LDB2: variants seen among roughly 807,000 people sequenced by gnomAD.
LDB2 encodes the protein LIM domain binding 2.
Under a neutral mutation model 44.3 loss-of-function variants are expected in LDB2, and 12 were observed. That is an observed-to-expected ratio of 0.27 (90% CI 0.17 to 0.44). LDB2 has a LOEUF of 0.44. LDB2 is among the 20% of genes least tolerant of loss of function. The pLI is 1.00. For missense variants in LDB2, 344 were observed against 473.5 expected (o/e 0.73, Z 2.54); for synonymous variants, 164 against 174.8 (o/e 0.94, Z 0.49).
chr4:16,781,580 C>A (rs1773244855), intron 1 of LDB2, among the ~76,000 whole-genome samples: 1 of 152,096 alleles, frequency 6.6e-6, no homozygotes, highest in Non-Finnish European at 1.5e-5. Flanking sequence ...TACTCTGATG[C>A]ACCCAAATGC....
intron 3 of LDB2, 99 bp downstream of exon 3, chr4:16,595,604 G>A (rs1473774252): frequency 1.2e-5 from 13 of 1,064,582 alleles, no homozygotes; most frequent in Non-Finnish European, 1.8e-5. Context: ...TCTGGGAGAT[G>A]AGCAATCGGC....
In LDB2 at chr4:16,596,985, C is replaced by G. The variant is rs1566067; in HGVS notation, c.236-1110G>C. Among the ~76,000 whole-genome samples the G allele has an allele frequency of 4.1e-3, 625 of 152,128 alleles. 3 individuals carry two copies. The highest frequency in any genetic ancestry group is 7.9e-3 in the South Asian group (38 of 4,810). ...ATCTCTTACATTCACTATATAATAC[C>G]CTTTGAAAGACAAAAATAATATTTA... is the stretch of plus-strand genomic sequence containing the variant. On this transcript the variant is annotated intron_variant, in intron 2 of 7. Transcript: ENST00000304523.
chr4:16,580,217 T>C (rs1242479123), intron 5 of LDB2, among the ~76,000 whole-genome samples: 1 of 152,028 alleles, frequency 6.6e-6, no homozygotes, highest in African/African-American at 2.4e-5. Flanking sequence ...GGAAGGGGCA[T>C]GGAATGAGGC....
intron 2 of LDB2, among the ~76,000 whole-genome samples, chr4:16,718,910 C>T (rs745758624): frequency 1.2e-4 from 18 of 152,094 alleles, no homozygotes; most frequent in Non-Finnish European, 2.6e-4. Context: ...ACTACTTGTA[C>T]TATTTTCCCC....
intron 1 of LDB2, among the ~76,000 whole-genome samples, chr4:16,828,274 A>G (rs1783421919): frequency 6.6e-6 from 1 of 152,200 alleles, no homozygotes; most frequent in Non-Finnish European, 1.5e-5. Context: ...AGATTCATGT[A>G]TCAATACATT....
At chr4:16,572,268 G>A (rs1032359837) in intron 5 of LDB2, among the ~76,000 whole-genome samples, 3 of 152,112 alleles carry the variant, frequency 2.0e-5, no homozygotes, top group African/African-American at 7.2e-5. Flanking sequence ...CAATTGGGAA[G>A]ACTGTTTCCT....
intron 2 of LDB2, among the ~76,000 whole-genome samples, chr4:16,689,347 C>A (rs529940775): frequency 6.6e-6 from 1 of 152,158 alleles, no homozygotes; most frequent in Non-Finnish European, 1.5e-5. Flanking sequence ...AAATTCCTAC[C>A]GATTCCTTAA....
At chr4:16,752,052 A>C (rs529129527) in intron 2 of LDB2, among the ~76,000 whole-genome samples, 1 of 152,338 alleles carries the variant, frequency 6.6e-6, no homozygotes, top group East Asian at 1.9e-4. Flanking sequence ...GAATAAATGC[A>C]TGGTCCAGGG....
intron 1 of LDB2, among the ~76,000 whole-genome samples, chr4:16,827,611 A>G (rs993064603): frequency 1.3e-5 from 2 of 152,184 alleles, no homozygotes; most frequent in South Asian, 4.1e-4. Flanking sequence ...AGAAATATAC[A>G]TACGTGTGTG....
At chr4:16,637,122 A>G (rs1273525790) in intron 2 of LDB2, among the ~76,000 whole-genome samples, 2 of 152,158 alleles carry the variant, frequency 1.3e-5, no homozygotes, top group Non-Finnish European at 2.9e-5. Context: ...GGCTTTGGAA[A>G]CACTTTCTTT....
At chr4:16,775,393 C>T (rs1013228959) in intron 1 of LDB2, among the ~76,000 whole-genome samples, 1 of 152,176 alleles carries the variant, frequency 6.6e-6, no homozygotes, top group African/African-American at 2.4e-5. Context: ...TGACATTATT[C>T]TTTGCTCTGT....
intron 2 of LDB2, among the ~76,000 whole-genome samples, chr4:16,660,818 T>C (rs1741366731): frequency 6.6e-6 from 1 of 152,192 alleles, no homozygotes; most frequent in East Asian, 1.9e-4. Flanking sequence ...TAGGAGTATC[T>C]GAGTACATAT....
chr4:16,778,696 C>G (rs1207688799), intron 1 of LDB2, among the ~76,000 whole-genome samples: 2 of 152,194 alleles, frequency 1.3e-5, no homozygotes, highest in Non-Finnish European at 2.9e-5. Flanking sequence ...TTCTCTCTCT[C>G]AGGCACATGA....
chr4:16,705,389 A>G (rs1754380902), intron 2 of LDB2, among the ~76,000 whole-genome samples: 1 of 152,166 alleles, frequency 6.6e-6, no homozygotes, highest in African/African-American at 2.4e-5. Context: ...GAAAGTGGAT[A>G]GAAGTGAGCA....
At chr4:16,835,327 T>C (rs1784721892) in intron 1 of LDB2, among the ~76,000 whole-genome samples, 1 of 152,180 alleles carries the variant, frequency 6.6e-6, no homozygotes, top group East Asian at 1.9e-4. Context: ...AATGTTGCGG[T>C]CAATTACCAT....
chr4:16,845,922 A>G (rs1014058791), intron 1 of LDB2, among the ~76,000 whole-genome samples: 1 of 152,108 alleles, frequency 6.6e-6, no homozygotes, highest in Admixed American at 6.5e-5. Flanking sequence ...AGCCTGGCCA[A>G]CATGGAGAAA....
rs1769371644 is a variant in LDB2, at chr4:16,766,649, GC to G, written c.133-7390del. On this transcript the variant is annotated intron_variant, in intron 1 of 7. Transcript: ENST00000304523. ...GCCACGCGAGTAGCTGGGATTATAG[GC>G]GCCCACCACCACGCCCAGCTAATTT... Among the ~76,000 whole-genome samples the G allele has an allele frequency of 4.0e-5, 6 of 151,760 alleles. No homozygotes were observed. The South Asian group carries it at 1.3e-3, about 32-fold the overall frequency.
intron 1 of LDB2, among the ~76,000 whole-genome samples, chr4:16,857,079 T>C (rs1789497956): frequency 1.3e-5 from 2 of 152,220 alleles, no homozygotes; most frequent in Non-Finnish European, 2.9e-5. Context: ...AAGCCCATCA[T>C]GACCCCGTTA....
chr4:16,895,261 C>T (rs549963138), intron 1 of LDB2, among the ~76,000 whole-genome samples: 1 of 152,106 alleles, frequency 6.6e-6, no homozygotes, highest in East Asian at 1.9e-4. Flanking sequence ...CCTCTTTAAA[C>T]TCAAACTTCC....
Sources: allele counts gnomAD v4.1 joint callset (sites outside exome capture counted in the v4.1 genomes callset), GRCh38; gene constraint gnomAD v4.1.1; transcripts MANE v1.5; gene names NCBI Gene and HGNC (gene_info 2026-07-23, HGNC 2026-07-21).